Variants in CALN1 observed in about 807,000 individuals in gnomAD.
CALN1 encodes calcium-binding protein 8.
Under a neutral mutation model 30.6 loss-of-function variants are expected in CALN1, and 17 were observed. That is an observed-to-expected ratio of 0.56 (90% CI 0.38 to 0.83). CALN1 has a LOEUF of 0.83. CALN1 is among the 40% of genes least tolerant of loss of function. The pLI is 0.00. For missense variants in CALN1, 291 were observed against 354.9 expected (o/e 0.82, Z 1.45); for synonymous variants, 156 against 131.4 (o/e 1.19, Z -1.28).
At chr7:71,842,682 G>A (rs1372905053) in intron 5 of CALN1, among the ~76,000 whole-genome samples, 1 of 152,144 alleles carries the variant, frequency 6.6e-6, no homozygotes, top group African/African-American at 2.4e-5. Context: ...TTGATAACAT[G>A]CTAATACACT....
At chr7:72,436,236 G>A (rs1808155486) in intron 1 of CALN1, among the ~76,000 whole-genome samples, 1 of 152,190 alleles carries the variant, frequency 6.6e-6, no homozygotes, top group African/African-American at 2.4e-5. Context: ...GTCCTGGGAG[G>A]GACCCCATGG....
rs1792638968 is a variant in CALN1, at chr7:71,780,091, T to G, written c.*7684A>C. 1 of 152,246 alleles carries G rather than the reference T, an allele frequency of 6.6e-6. No individual in the cohort carries two copies. Among genetic ancestry groups the G allele is most frequent in the Admixed American group, 6.5e-5 (1 of 15,288 alleles). The allele number at this position is 152,246 out of a possible 1,614,324, so 9.4% of individuals were successfully genotyped here. ...AATGCCTGGACAGACTTTCTGAGTC[T>G]AATTTTTCTCCAAAGTCATTGTTTT... On this transcript the variant is annotated 3_prime_UTR_variant, in exon 7 of 7. Coordinates refer to ENST00000395275, the MANE Select transcript of CALN1 (RefSeq NM_031468.4).
chr7:72,437,419 T>G (rs1384996655), intron 1 of CALN1, among the ~76,000 whole-genome samples: 1 of 151,912 alleles, frequency 6.6e-6, no homozygotes, highest in African/African-American at 2.4e-5. Flanking sequence ...TGGGTCAAGT[T>G]TGGTTGCTAA....
intron 2 of CALN1, among the ~76,000 whole-genome samples, chr7:72,386,100 G>A (rs1275650537): frequency 6.6e-6 from 1 of 152,208 alleles, no homozygotes; most frequent in Non-Finnish European, 1.5e-5. Flanking sequence ...AAAGGGAAAG[G>A]TTGAAGAGGT....
chr7:72,346,280 T>C (rs1359412072), intron 2 of CALN1, among the ~76,000 whole-genome samples: 1 of 152,178 alleles, frequency 6.6e-6, no homozygotes, highest in African/African-American at 2.4e-5. Context: ...CCTCCTCCAT[T>C]CCTTTTTCCC....
chr7:72,387,212 A>AG (rs1805264312), intron 2 of CALN1, among the ~76,000 whole-genome samples: 1 of 83,004 alleles, frequency 1.2e-5, no homozygotes, highest in African/African-American at 4.4e-5. Flanking sequence ...GAGGGAGGGA[A>AG]GGAAGGAAGG....
chr7:71,999,470 A>G (rs184885866), intron 5 of CALN1, among the ~76,000 whole-genome samples: 26 of 152,300 alleles, frequency 1.7e-4, no homozygotes, highest in African/African-American at 6.3e-4. Flanking sequence ...ATCAACCAGC[A>G]GGATCTAGCT....
At chr7:71,849,543 T>A (rs1232191516) in intron 5 of CALN1, among the ~76,000 whole-genome samples, 1 of 152,044 alleles carries the variant, frequency 6.6e-6, no homozygotes, top group Non-Finnish European at 1.5e-5. Context: ...CTTAAAACTA[T>A]AGGATGCTAT....
chr7:72,327,523 G>A (rs1338844904), intron 2 of CALN1, among the ~76,000 whole-genome samples: 2 of 152,064 alleles, frequency 1.3e-5, no homozygotes, highest in Admixed American at 1.3e-4. Context: ...TTCATTGAAC[G>A]TTTTTCTTTT....
intron 4 of CALN1, among the ~76,000 whole-genome samples, chr7:72,035,591 T>C (rs1340003491): frequency 2.0e-5 from 3 of 152,230 alleles, no homozygotes; most frequent in Non-Finnish European, 4.4e-5. Flanking sequence ...TTTAAATTCC[T>C]TTCTCATTTC....
At chr7:72,395,999 AT>A (rs1408416236) in intron 2 of CALN1, among the ~76,000 whole-genome samples, 2 of 151,938 alleles carry the variant, frequency 1.3e-5, no homozygotes, top group African/African-American at 2.4e-5. Context: ...TGAACTGGCC[AT>A]TGCTTGACAT....
intron 5 of CALN1, among the ~76,000 whole-genome samples, chr7:71,953,809 G>T (rs114758746): frequency 3.9e-5 from 6 of 151,992 alleles, no homozygotes; most frequent in African/African-American, 1.5e-4. Context: ...GATGGGGCTG[G>T]GCTGATGTTT....
rs567354243 is a variant in CALN1 at position 71,785,635 on chromosome 7, T to A, written c.*2140A>T. 2.0e-5 allele frequency: 3 copies of A among 152,154 alleles called. No homozygotes were observed. Among genetic ancestry groups the A allele is most frequent in the Non-Finnish European group, 4.4e-5 (3 of 68,076 alleles). The allele number at this position is 152,154 out of a possible 1,614,324, so 9.4% of individuals were successfully genotyped here. On this transcript the variant is annotated 3_prime_UTR_variant, in exon 7 of 7. Coordinates refer to ENST00000395275, the MANE Select transcript of CALN1 (RefSeq NM_031468.4). ...CGGGGGTCAGGGAAAAACAGGAAAG[T>A]ATATCCCTTCAAGATCTGCTATGCC...
At chr7:71,846,722 A>G (rs988161784) in intron 5 of CALN1, among the ~76,000 whole-genome samples, 19 of 150,266 alleles carry the variant, frequency 1.3e-4, no homozygotes, top group African/African-American at 4.6e-4. Flanking sequence ...TATATAGCCT[A>G]CTAGGGATAG....
chr7:72,009,658 G>C (rs985353675), intron 5 of CALN1, among the ~76,000 whole-genome samples: 7 of 152,152 alleles, frequency 4.6e-5, no homozygotes, highest in Non-Finnish European at 8.8e-5. Context: ...CCATCCCTGG[G>C]GGAGATCATT....
intron 5 of CALN1, among the ~76,000 whole-genome samples, chr7:71,985,228 G>C (rs1178478875): frequency 6.6e-6 from 1 of 152,134 alleles, no homozygotes; most frequent in Non-Finnish European, 1.5e-5. Flanking sequence ...AAATCAAAAC[G>C]ACTATGAAAT....
chr7:71,904,728 C>T (rs1794038063), intron 5 of CALN1, among the ~76,000 whole-genome samples: 1 of 152,318 alleles, frequency 6.6e-6, no homozygotes, highest in East Asian at 1.9e-4. Flanking sequence ...TTTGAGGTCA[C>T]GCATTTGCTA....
At chr7:71,959,189 C>G (rs2129524968) in intron 5 of CALN1, among the ~76,000 whole-genome samples, 1 of 152,294 alleles carries the variant, frequency 6.6e-6, no homozygotes, top group Middle Eastern at 3.4e-3. Flanking sequence ...AGTGATGAGT[C>G]AGGTCTCATG....
chr7:72,113,256 C>A (rs1376099227), intron 3 of CALN1, among the ~76,000 whole-genome samples: 2 of 152,072 alleles, frequency 1.3e-5, no homozygotes, highest in African/African-American at 4.8e-5. Context: ...TTAGTTCCTG[C>A]AAGAGTTGGT....
Sources: allele counts gnomAD v4.1 joint callset (sites outside exome capture counted in the v4.1 genomes callset), GRCh38; gene constraint gnomAD v4.1.1; transcripts MANE v1.5; gene names NCBI Gene and HGNC (gene_info 2026-07-23, HGNC 2026-07-21).